The following PDE10A variants were observed in gnomAD, a reference collection of about 807,000 sequenced individuals.
PDE10A encodes the protein cAMP and cAMP-inhibited cGMP 3',5'-cyclic phosphodiesterase 10A.
In PDE10A, 39 loss-of-function variants were observed where a neutral mutation model predicts 97.7. That is an observed-to-expected ratio of 0.40 (90% CI 0.31 to 0.52). The LOEUF (loss-of-function observed/expected upper bound fraction) is 0.52. PDE10A is among the 20% of genes least tolerant of loss of function. The pLI is 0.56. For missense variants in PDE10A, 731 were observed against 1,047.8 expected (o/e 0.70, Z 4.17); for synonymous variants, 371 against 376.8 (o/e 0.98, Z 0.18).
At chr6:165,499,536 T>C (rs1780743807) in intron 2 of PDE10A, among the ~76,000 whole-genome samples, 1 of 152,226 alleles carries the variant, frequency 6.6e-6, no homozygotes, top group Admixed American at 6.5e-5. Context: ...TAGGAAATTA[T>C]AGCTCATGGA....
intron 1 of PDE10A, among the ~76,000 whole-genome samples, chr6:165,843,652 G>A (rs911279561): frequency 3.3e-5 from 5 of 152,040 alleles, no homozygotes; most frequent in Non-Finnish European, 4.4e-5. Flanking sequence ...TCATCACCCC[G>A]CCAAGGCCCA....
chr6:165,959,798 C>T (rs538641625), intron 1 of PDE10A, among the ~76,000 whole-genome samples: 59 of 152,044 alleles, frequency 3.9e-4, no homozygotes, highest in Non-Finnish European at 7.9e-4. Flanking sequence ...AGAGAGATCT[C>T]GCCTGGGGAG....
chr6:165,484,719 C>G (rs564819368), intron 2 of PDE10A, among the ~76,000 whole-genome samples: 3 of 152,334 alleles, frequency 2.0e-5, no homozygotes, highest in Admixed American at 1.3e-4. Context: ...GCAGGCTTTA[C>G]AGTGGCAAGT....
intron 9 of PDE10A, among the ~76,000 whole-genome samples, chr6:165,429,512 G>C (rs1022544703): frequency 4.6e-5 from 7 of 152,040 alleles, no homozygotes; most frequent in African/African-American, 1.7e-4. Context: ...TGAGCATCAA[G>C]AATAATTACT....
At chr6:165,489,363 C>T (rs946018278) in intron 2 of PDE10A, among the ~76,000 whole-genome samples, 63 of 152,014 alleles carry the variant, frequency 4.1e-4, no homozygotes, top group East Asian at 1.5e-3. Context: ...TGTTGCAGTT[C>T]GACTCTCAGG....
intron 1 of PDE10A, among the ~76,000 whole-genome samples, chr6:165,825,315 TG>T (rs1779705947): frequency 6.6e-6 from 1 of 151,862 alleles, no homozygotes; most frequent in East Asian, 1.9e-4. Flanking sequence ...GGTGGCCAAG[TG>T]GGTCTTTTTC....
chr6:165,626,556 T>C (rs73786691), intron 1 of PDE10A, among the ~76,000 whole-genome samples: 3,576 of 152,364 alleles, frequency 0.023, 148 homozygotes, highest in African/African-American at 0.081. Flanking sequence ...GGGATAATTA[T>C]TTCTTCTCGA....
At chr6:165,398,036 T>C (rs1026323214) in intron 13 of PDE10A, among the ~76,000 whole-genome samples, 1 of 152,232 alleles carries the variant, frequency 6.6e-6, no homozygotes, top group African/African-American at 2.4e-5. Flanking sequence ...AAAAATTACA[T>C]ATTTTTAAAT....
chr6:165,338,489 C>G (rs774958075), intron 20 of PDE10A, among the ~76,000 whole-genome samples: 2 of 151,986 alleles, frequency 1.3e-5, no homozygotes, highest in Non-Finnish European at 2.9e-5. Context: ...CAAGACCTCT[C>G]AAAACATTCA....
chr6:165,681,836 G>C (rs940156080), intron 1 of PDE10A, among the ~76,000 whole-genome samples: 2 of 152,174 alleles, frequency 1.3e-5, no homozygotes, highest in Non-Finnish European at 2.9e-5. Flanking sequence ...GAGGAAGTGA[G>C]AAGCTCAGAG....
At chr6:165,488,807 G>T (rs549904627) in intron 2 of PDE10A, among the ~76,000 whole-genome samples, 1 of 152,092 alleles carries the variant, frequency 6.6e-6, no homozygotes, top group Non-Finnish European at 1.5e-5. Context: ...TGTGGCTGCC[G>T]GCTTTACCCC....
At chr6:165,474,099 T>G (rs1190820112) in intron 3 of PDE10A, among the ~76,000 whole-genome samples, 1 of 152,192 alleles carries the variant, frequency 6.6e-6, no homozygotes, top group Non-Finnish European at 1.5e-5. Context: ...TAATCCTCCT[T>G]TTTGGGGGAA....
chr6:165,535,801 T>C (rs1206378934), intron 2 of PDE10A, among the ~76,000 whole-genome samples: 1 of 151,778 alleles, frequency 6.6e-6, no homozygotes. Flanking sequence ...ATTAAAACTA[T>C]AAAACATTGA....
intron 1 of PDE10A, among the ~76,000 whole-genome samples, chr6:165,670,576 C>A (rs893271752): frequency 7.2e-5 from 11 of 152,126 alleles, no homozygotes; most frequent in Admixed American, 5.2e-4. Flanking sequence ...TAAAACCAAG[C>A]TAAAAATTAC....
chr6:165,617,222 C>A (rs977579402), intron 1 of PDE10A, among the ~76,000 whole-genome samples: 27 of 152,142 alleles, frequency 1.8e-4, no homozygotes, highest in African/African-American at 2.2e-4. Flanking sequence ...TCACCTGACC[C>A]ATCAGACAAG....
intron 1 of PDE10A, among the ~76,000 whole-genome samples, chr6:165,916,855 C>T (rs1283547476): frequency 6.6e-6 from 1 of 152,142 alleles, no homozygotes; most frequent in African/African-American, 2.4e-5. Context: ...ACACCACGCC[C>T]TTTGTTCCTC....
intron 17 of PDE10A, among the ~76,000 whole-genome samples, chr6:165,387,971 T>C (rs1261769824): frequency 6.6e-6 from 1 of 152,184 alleles, no homozygotes; most frequent in Admixed American, 6.5e-5. Flanking sequence ...CTGTTCAATA[T>C]CTTCTTGTTC....
intron 18 of PDE10A, among the ~76,000 whole-genome samples, chr6:165,374,087 G>A (rs1229745720): frequency 4.5e-5 from 5 of 110,688 alleles, no homozygotes; most frequent in African/African-American, 1.7e-4. Context: ...TTGTGGGGTG[G>A]GGGGAGGGGG....
intron 1 of PDE10A, among the ~76,000 whole-genome samples, chr6:165,800,334 T>C (rs1778949454): frequency 1.3e-5 from 2 of 152,146 alleles, no homozygotes; most frequent in South Asian, 4.1e-4. Context: ...TGTCTGCCTG[T>C]AAAGGTGTAA....
Sources: allele counts gnomAD v4.1 joint callset (sites outside exome capture counted in the v4.1 genomes callset), GRCh38; gene constraint gnomAD v4.1.1; transcripts MANE v1.5; gene names NCBI Gene and HGNC (gene_info 2026-07-23, HGNC 2026-07-21).